Variants in CAST observed in about 807,000 individuals in gnomAD.
CAST encodes the protein calpastatin.
In CAST, 76 loss-of-function variants were observed where a neutral mutation model predicts 119.6. The ratio of observed to expected loss-of-function variants is 0.64; its 90% CI spans 0.53 to 0.77. The LOEUF is 0.77. Ranked by LOEUF, CAST falls within the 30% of genes least tolerant of loss-of-function variation. CAST has a pLI of 0.00. For synonymous variants in CAST, 319 were observed against 331.6 expected (o/e 0.96, Z 0.41); for missense variants, 953 against 946.5 (o/e 1.01, Z -0.09).
chr5:96,068,128 C>T, the CAST span, among the ~76,000 whole-genome samples: 1 of 152,146 alleles, frequency 6.6e-6, no homozygotes, highest in African/African-American at 2.4e-5. Flanking sequence ...TCATAACTTA[C>T]GTGCACATCT....
At chr5:96,126,670 A>G in the CAST span, among the ~76,000 whole-genome samples, 2 of 152,096 alleles carry the variant, frequency 1.3e-5, no homozygotes, top group Non-Finnish European at 2.9e-5. Flanking sequence ...TAAAATCCAT[A>G]ATTTCTTCAC....
the CAST span, among the ~76,000 whole-genome samples, chr5:96,361,379 G>GAA: frequency 8.3e-4 from 125 of 151,390 alleles, no homozygotes; most frequent in African/African-American, 2.9e-3. Context: ...ACTGGGGTAT[G>GAA]AAAAAAAAAC....
rs143492371 is a variant in CAST, at chr5:96,702,323, A to G, written c.210+6416A>G. 3.8e-3 allele frequency among the ~76,000 whole-genome samples: 578 copies of G among 152,264 alleles called. 2 individuals carry two copies. Among genetic ancestry groups the G allele is most frequent in the African/African-American group, 0.013 (556 of 41,544 alleles). ...GTATAGACTCATGAATTTATATTGT[A>G]TTCAATAGCTTCAAATCTATTCTAA... On this transcript the variant is annotated intron_variant, in intron 3 of 31. Coordinates refer to ENST00000675179, the MANE Select transcript of CAST (RefSeq NM_001750.7).
At chr5:96,700,915 G>A (rs1204309756) in intron 3 of CAST, among the ~76,000 whole-genome samples, 1 of 151,892 alleles carries the variant, frequency 6.6e-6, no homozygotes, top group East Asian at 1.9e-4. Context: ...TACAGCAGAA[G>A]AATCTTGCGA....
the CAST span, among the ~76,000 whole-genome samples, chr5:96,013,307 G>T: frequency 6.6e-6 from 1 of 150,624 alleles, no homozygotes; most frequent in African/African-American, 2.4e-5. Flanking sequence ...ATAATATAGA[G>T]AATATATATA....
At chr5:96,557,647 A>G (rs1030659513) in intron 1 of CAST, among the ~76,000 whole-genome samples, 1 of 152,244 alleles carries the variant, frequency 6.6e-6, no homozygotes, top group African/African-American at 2.4e-5. Context: ...TTCAACAAGA[A>G]GAGCTAACTG....
chr5:96,169,907 A>G, the CAST span, among the ~76,000 whole-genome samples: 2 of 152,272 alleles, frequency 1.3e-5, no homozygotes, highest in South Asian at 4.1e-4. Context: ...GAGTGCTTAA[A>G]AGAGTATTGT....
the CAST span, among the ~76,000 whole-genome samples, chr5:96,008,181 C>T: frequency 6.6e-6 from 1 of 152,188 alleles, no homozygotes; most frequent in Non-Finnish European, 1.5e-5. Context: ...AAGATGCAGA[C>T]CTTCTCCAAC....
the CAST span, among the ~76,000 whole-genome samples, chr5:96,445,638 G>T: frequency 6.6e-6 from 1 of 152,024 alleles, no homozygotes; most frequent in Admixed American, 6.6e-5. Flanking sequence ...GCATGCCACG[G>T]CTCACTCTGG....
chr5:96,668,849 G>A (rs1270981479), intron 1 of CAST, among the ~76,000 whole-genome samples: 1 of 152,022 alleles, frequency 6.6e-6, no homozygotes, highest in East Asian at 1.9e-4. Context: ...GGGAGGGTGA[G>A]GCAACCCAGA....
chr5:96,444,815 C>T, the CAST span, among the ~76,000 whole-genome samples: 17 of 151,898 alleles, frequency 1.1e-4, no homozygotes, highest in African/African-American at 4.1e-4. Context: ...GTTTTTTCCC[C>T]TATGGTTCAG....
At position 96,662,630 on chromosome 5, in the gene CAST, G is replaced by A. The variant is rs886499469; in HGVS notation, c.75+133G>A. On this transcript the variant is annotated intron_variant, in intron 1 of 31. Coordinates refer to ENST00000675179, the MANE Select transcript of CAST (RefSeq NM_001750.7). ...CGGCGCCCCCGCGGGGCAGGGAGAGGGCTAGGGGCTTGGCCGCTGCCAGGC... is the reference window on the plus strand; with the variant it reads ...CGGCGCCCCCGCGGGGCAGGGAGAGAGCTAGGGGCTTGGCCGCTGCCAGGC... 1.8e-5 allele frequency: 18 copies of A among 981,950 alleles called. No homozygotes were observed. The East Asian group carries it at 6.1e-4, about 33-fold the overall frequency. The allele number at this position is 981,950 out of a possible 1,614,324, so 60.8% of individuals were successfully genotyped here.
At chr5:96,025,020 C>T in the CAST span, among the ~76,000 whole-genome samples, 27 of 152,142 alleles carry the variant, frequency 1.8e-4, no homozygotes. Context: ...AGTAAGATTT[C>T]TGATTGGGCC....
At chr5:96,675,446 TA>T in intron 1 of CAST, 92 bp from the exon 2 acceptor site, 4 of 853,296 alleles carry the variant, frequency 4.7e-6, no homozygotes, top group Non-Finnish European at 3.9e-6. Context: ...GGTCGTTTTT[TA>T]AAAAAGGGTA....
At chr5:96,261,057 T>C in the CAST span, among the ~76,000 whole-genome samples, 1 of 152,190 alleles carries the variant, frequency 6.6e-6, no homozygotes, top group Non-Finnish European at 1.5e-5. Context: ...CTCTCTTTTT[T>C]TGGTCCCTTT....
intron 1 of CAST, among the ~76,000 whole-genome samples, chr5:96,602,100 G>C (rs1024354418): frequency 6.6e-6 from 1 of 152,204 alleles, no homozygotes; most frequent in Non-Finnish European, 1.5e-5. Context: ...TGTCACAATA[G>C]AGTAGGGTCC....
the CAST span, among the ~76,000 whole-genome samples, chr5:96,305,286 T>G: frequency 6.6e-6 from 1 of 152,208 alleles, no homozygotes; most frequent in Non-Finnish European, 1.5e-5. Context: ...ATGCTTGTGA[T>G]TTTTGCACAT....
intron 2 of CAST, among the ~76,000 whole-genome samples, chr5:96,687,137 C>G (rs532836507): frequency 2.4e-4 from 37 of 152,228 alleles, no homozygotes; most frequent in African/African-American, 8.9e-4. Flanking sequence ...GAAAAGTGAC[C>G]TATAGGATTC....
At chr5:96,616,187 C>T (rs1219504459) in intron 1 of CAST, among the ~76,000 whole-genome samples, 3 of 152,218 alleles carry the variant, frequency 2.0e-5, no homozygotes, top group Non-Finnish European at 4.4e-5. Context: ...AGGATCGATA[C>T]TTTGCATCCT....
Sources: allele counts gnomAD v4.1 joint callset (sites outside exome capture counted in the v4.1 genomes callset), GRCh38; gene constraint gnomAD v4.1.1; transcripts MANE v1.5; gene names NCBI Gene and HGNC (gene_info 2026-07-23, HGNC 2026-07-21).